The following PTPRD variants were observed in gnomAD, a reference collection of about 807,000 sequenced individuals.
PTPRD encodes the protein protein tyrosine phosphatase receptor type D, also known as receptor-type tyrosine-protein phosphatase delta.
In PTPRD, 34 loss-of-function variants were observed where a neutral mutation model predicts 214.5. That is an observed-to-expected ratio of 0.16 (90% CI 0.12 to 0.21). The LOEUF is 0.21. PTPRD is among the 10% of genes least tolerant of loss of function. The probability of loss-of-function intolerance (pLI) is 1.00; values close to 1 mark genes in which losing one functional copy is unlikely to be tolerated. For missense variants in PTPRD, 2,545 were observed against 2,398.7 expected (o/e 1.06, Z -1.27); for synonymous variants, 1,128 against 845.7 (o/e 1.33, Z -5.79).
At chr9:10,376,716 A>G (rs2097735150) in intron 2 of PTPRD, among the ~76,000 whole-genome samples, 1 of 151,912 alleles carries the variant, frequency 6.6e-6, no homozygotes, top group Non-Finnish European at 1.5e-5. Context: ...TTGGTTATAT[A>G]AATCCTCAAA....
At chr9:10,312,221 T>C (rs1421638593) in intron 3 of PTPRD, among the ~76,000 whole-genome samples, 2 of 152,026 alleles carry the variant, frequency 1.3e-5, no homozygotes, top group Non-Finnish European at 2.9e-5. Flanking sequence ...CATACTCCAG[T>C]GCCAACATTG....
At chr9:10,117,612 G>GTTTTTTTTTTTTTT (rs35593505) in intron 3 of PTPRD, among the ~76,000 whole-genome samples, 3 of 144,666 alleles carry the variant, frequency 2.1e-5, no homozygotes, top group Non-Finnish European at 3.0e-5. Context: ...AAATCTCCCC[G>GTTTTTTTTTTTTTT]TTTTTTTTTT....
intron 2 of PTPRD, among the ~76,000 whole-genome samples, chr9:10,354,128 G>T (rs965504068): frequency 1.3e-5 from 2 of 151,950 alleles, no homozygotes; most frequent in African/African-American, 4.8e-5. Flanking sequence ...ATCGGTAATT[G>T]CAATTTTCAT....
At chr9:9,757,562 CAT>C (rs1321254967) in intron 6 of PTPRD, among the ~76,000 whole-genome samples, 1 of 150,912 alleles carries the variant, frequency 6.6e-6, no homozygotes, top group Non-Finnish European at 1.5e-5. Flanking sequence ...TTTATTATAA[CAT>C]AATTATCTCT....
At chr9:10,463,824 C>A (rs2098975379) in intron 2 of PTPRD, among the ~76,000 whole-genome samples, 1 of 151,872 alleles carries the variant, frequency 6.6e-6, no homozygotes, top group African/African-American at 2.4e-5. Flanking sequence ...AGTTGTAATT[C>A]ACATATGAAG....
At chr9:8,549,939 C>A (rs10977195) in intron 14 of PTPRD, among the ~76,000 whole-genome samples, 3,600 of 152,140 alleles carry the variant, frequency 0.024, 146 homozygotes, top group African/African-American at 0.082. Flanking sequence ...TCATATAGTT[C>A]CTGGCATGAA....
At chr9:8,336,293 G>A (rs144919632) in intron 43 of PTPRD, among the ~76,000 whole-genome samples, 8,368 of 137,358 alleles carry the variant, frequency 0.061, 1,137 homozygotes, top group African/African-American at 0.24. Context: ...CAGAAGTAAC[G>A]CCACACATCT....
intron 10 of PTPRD, among the ~76,000 whole-genome samples, chr9:9,127,697 A>T (rs530538212): frequency 7.9e-5 from 12 of 152,158 alleles, no homozygotes; most frequent in Non-Finnish European, 1.3e-4. Flanking sequence ...AGTGGTCAAG[A>T]CGGGAGGTGT....
chr9:10,003,683 C>T (rs530246812), intron 4 of PTPRD, among the ~76,000 whole-genome samples: 14 of 151,662 alleles, frequency 9.2e-5, no homozygotes, highest in Admixed American at 5.3e-4. Flanking sequence ...GCTGATAAAA[C>T]ATATGACAAC....
At chr9:8,796,115 G>A (rs2096412817) in intron 11 of PTPRD, among the ~76,000 whole-genome samples, 1 of 152,132 alleles carries the variant, frequency 6.6e-6, no homozygotes, top group South Asian at 2.1e-4. Context: ...GGTAGCCACA[G>A]CAGAAAATGC....
At chr9:9,488,307 T>C (rs899402697) in intron 8 of PTPRD, among the ~76,000 whole-genome samples, 4 of 152,200 alleles carry the variant, frequency 2.6e-5, no homozygotes, top group Non-Finnish European at 5.9e-5. Context: ...CACAGTTTAA[T>C]GTATTAGTGG....
chr9:9,702,345 T>A (rs529165114), intron 7 of PTPRD, among the ~76,000 whole-genome samples: 1 of 152,118 alleles, frequency 6.6e-6, no homozygotes, highest in Non-Finnish European at 1.5e-5. Flanking sequence ...AATGGGGCAA[T>A]AGTGTGAGAT....
chr9:8,487,811 A>AAAAC lies in PTPRD; in HGVS notation c.2468-1466_2468-1463dup, dbSNP rs67229240. ...GGCAACAAGAGCAAATTCCGTCTCA[A>AAAAC]AAACAAACAAACAAACAAACAAACA... On this transcript the variant is annotated intron_variant, in intron 27 of 45. Transcript: ENST00000381196. Among the ~76,000 whole-genome samples the AAAAC allele has an allele frequency of 5.4e-3, 822 of 151,198 alleles. 7 individuals are homozygous for AAAAC. The highest frequency in any genetic ancestry group is 0.014 in the African/African-American group (591 of 41,160).
intron 7 of PTPRD, among the ~76,000 whole-genome samples, chr9:9,649,555 G>A (rs2096280686): frequency 6.6e-6 from 1 of 151,946 alleles, no homozygotes; most frequent in African/African-American, 2.4e-5. Context: ...AGAAATAAAA[G>A]GCAAAATGTA....
intron 5 of PTPRD, among the ~76,000 whole-genome samples, chr9:9,828,629 T>A (rs2053793678): frequency 6.6e-6 from 1 of 152,040 alleles, no homozygotes; most frequent in South Asian, 2.1e-4. Flanking sequence ...TGTGCACGTG[T>A]ACCATAAAAC....
chr9:9,080,512 T>A (rs2099757456), intron 10 of PTPRD, among the ~76,000 whole-genome samples: 1 of 152,034 alleles, frequency 6.6e-6, no homozygotes, highest in Non-Finnish European at 1.5e-5. Context: ...TCCTCTTTTT[T>A]GAGGTTGGTA....
At chr9:9,271,750 A>G (rs1473068925) in intron 9 of PTPRD, among the ~76,000 whole-genome samples, 2 of 151,366 alleles carry the variant, frequency 1.3e-5, no homozygotes, top group Non-Finnish European at 3.0e-5. Context: ...TTCTGAGACT[A>G]ACATCAAATA....
At chr9:9,733,954 A>G (rs968587455) in intron 7 of PTPRD, among the ~76,000 whole-genome samples, 1 of 152,160 alleles carries the variant, frequency 6.6e-6, no homozygotes, top group Admixed American at 6.5e-5. Context: ...AACTTCACAG[A>G]AAACCTCCTA....
At chr9:9,088,666 C>G (rs1485356575) in intron 10 of PTPRD, among the ~76,000 whole-genome samples, 1 of 137,488 alleles carries the variant, frequency 7.3e-6, no homozygotes, top group African/African-American at 2.7e-5. Flanking sequence ...CAAATATTAA[C>G]ACAGAGTACT....
Sources: allele counts gnomAD v4.1 joint callset (sites outside exome capture counted in the v4.1 genomes callset), GRCh38; gene constraint gnomAD v4.1.1; transcripts MANE v1.5; gene names NCBI Gene and HGNC (gene_info 2026-07-23, HGNC 2026-07-21).